TMEM132E: variants seen among roughly 807,000 people sequenced by gnomAD.
The protein encoded by TMEM132E is transmembrane protein 132E.
Under a neutral mutation model 78.5 loss-of-function variants are expected in TMEM132E, and 49 were observed. That is an observed-to-expected ratio of 0.62 (90% CI 0.50 to 0.79). TMEM132E has a LOEUF of 0.79. Ranked by LOEUF, TMEM132E falls within the 30% of genes least tolerant of loss-of-function variation. The probability of loss-of-function intolerance (pLI) is 0.00; values close to 1 mark genes in which losing one functional copy is unlikely to be tolerated. For missense variants in TMEM132E, 1,403 were observed against 1,470.9 expected (o/e 0.95, Z 0.75); for synonymous variants, 715 against 670.6 (o/e 1.07, Z -1.02).
At chr17:34,628,873 C>T in intron 3 of TMEM132E, 139 bp from the exon 4 acceptor site, 2 of 1,375,886 alleles carry the variant, frequency 1.5e-6, no homozygotes, top group East Asian at 4.9e-5. Flanking sequence ...TGGAGCACCT[C>T]AGATGGGCTG....
rs554937743 is a variant in TMEM132E at position 34,587,598 on chromosome 17, C to A, written c.67+6455C>A. ...CTGGTCTCTCCTTCCCTACCTCAGC[C>A]CCCAGGGTTTTGGGGGAGCCTGGCT... On this transcript the variant is annotated intron_variant, in intron 1 of 8. Coordinates refer to ENST00000631683, the MANE Select transcript of TMEM132E (RefSeq NM_001304438.2). 3.3e-5 allele frequency among the ~76,000 whole-genome samples: 5 copies of A among 152,200 alleles called. No individual in the cohort carries two copies. In the South Asian group the frequency reaches 1.0e-3, roughly 32 times the overall value.
Position 34,630,062 on chromosome 17 carries a change from G to C in TMEM132E, c.1393G>C (p.Val465Leu). The change falls in exon 5 of 9, where the codon GTC becomes CTC. Residue 465 changes from valine to leucine, a missense_variant. Physicochemically the swap from Val to Leu is conservative, Grantham distance 32. Transcript: ENST00000631683. ...GACTGGCCGGACAGTGGCCATCCCT[G>C]TCAAGGTCATTGCCATCGAGGTGAA... ...ILTGRTVAIPVKVIAIEVNGL... is the reference protein window; with the variant it reads ...ILTGRTVAIPLKVIAIEVNGL... The C allele has an allele frequency of 6.2e-7, 1 of 1,613,660 alleles. No individual in the cohort carries two copies. The highest frequency in any genetic ancestry group is 8.5e-7 in the Non-Finnish European group (1 of 1,179,638).
intron 1 of TMEM132E, among the ~76,000 whole-genome samples, chr17:34,589,820 A>G (rs562616031): frequency 1.2e-4 from 18 of 152,156 alleles, no homozygotes; most frequent in Non-Finnish European, 1.3e-4. Context: ...GGATGACCAC[A>G]TTGTCCCCTG....
At chr17:34,591,358 G>A (rs549584085) in intron 1 of TMEM132E, among the ~76,000 whole-genome samples, 76 of 150,982 alleles carry the variant, frequency 5.0e-4, no homozygotes, top group African/African-American at 1.8e-3. Flanking sequence ...AGGCTGGAGT[G>A]TAGTAGTATG....
intron 1 of TMEM132E, among the ~76,000 whole-genome samples, chr17:34,599,904 GACCTGC>G (rs1403228529): frequency 3.9e-5 from 6 of 152,048 alleles, no homozygotes; most frequent in African/African-American, 1.4e-4. Context: ...GGGTCCCAGG[GACCTGC>G]ATTTTATAAG....
chr17:34,592,298 T>G (rs1376538528), intron 1 of TMEM132E, among the ~76,000 whole-genome samples: 1 of 152,090 alleles, frequency 6.6e-6, no homozygotes, highest in Admixed American at 6.5e-5. Flanking sequence ...GGAGGAGGCA[T>G]TCCTGCGTCC....
chr17:34,620,895 C>A (rs2142074739), intron 1 of TMEM132E, among the ~76,000 whole-genome samples: 1 of 152,316 alleles, frequency 6.6e-6, no homozygotes, highest in South Asian at 2.1e-4. Flanking sequence ...GGTCAGATAC[C>A]CTCCTGCAGA....
intron 1 of TMEM132E, among the ~76,000 whole-genome samples, chr17:34,593,689 C>T (rs187683599): frequency 9.2e-5 from 14 of 152,338 alleles, no homozygotes; most frequent in East Asian, 1.9e-4. Context: ...CTTCTAGGGC[C>T]GGGGTAGGCA....
Position 34,638,533 on chromosome 17 carries a change from C to T in TMEM132E, c.*301C>T, listed in dbSNP as rs1158503396. 2 of 322,874 alleles carry T rather than the reference C, an allele frequency of 6.2e-6. No homozygotes were observed. The highest frequency in any genetic ancestry group is 5.6e-6 in the Non-Finnish European group (1 of 177,370). 20.0% of individuals were successfully genotyped at this position (322,874 alleles called of 1,614,324 possible). A position where few individuals can be genotyped will look rare whatever the true frequency, so the allele number is the denominator to read the frequency against. On this transcript the variant is annotated 3_prime_UTR_variant, in exon 9 of 9. Coordinates refer to ENST00000631683, the MANE Select transcript of TMEM132E (RefSeq NM_001304438.2). Reference sequence around the variant, plus strand: ...AAACCTCCTCCCATCTTAAGCAACCCCCTGCCCCAAGAGTGAGGCAAGGAG... The same window carrying T: ...AAACCTCCTCCCATCTTAAGCAACCTCCTGCCCCAAGAGTGAGGCAAGGAG...
chr17:34,618,308 G>A lies in TMEM132E; in HGVS notation c.68-7819G>A, dbSNP rs144059071. On this transcript the variant is annotated intron_variant, in intron 1 of 8. Transcript: ENST00000631683. ...GCTGGAATGCAGTGATGTGATCATA[G>A]CTCACTGCAGCCTTGAACTTCTGGG... 6.5e-3 allele frequency among the ~76,000 whole-genome samples: 982 copies of A among 152,210 alleles called. 11 individuals are homozygous for A. The highest frequency in any genetic ancestry group is 0.022 in the African/African-American group (914 of 41,538).
chr17:34,634,745 G>A (rs995240284), intron 6 of TMEM132E, 54 bp from the exon 7 acceptor site: 4 of 1,548,808 alleles, frequency 2.6e-6, no homozygotes, highest in Non-Finnish European at 3.5e-6. Context: ...GGTGTGTACT[G>A]TGCAGGTCAG....
chr17:34,583,271 G>T (rs1276392932), intron 1 of TMEM132E, among the ~76,000 whole-genome samples: 1 of 152,238 alleles, frequency 6.6e-6, no homozygotes, highest in Non-Finnish European at 1.5e-5. Flanking sequence ...GCCCTACTGA[G>T]CGGACATTTC....
Position 34,579,836 on chromosome 17 carries a change from G to T in TMEM132E, c.-1241G>T, listed in dbSNP as rs1390128325. ...CGGCTGCCCTGGCCCCTGGCGCCGC[G>T]CCCGCGTCTCACCGCCCGCAGCCCG... On this transcript the variant is annotated 5_prime_UTR_variant, in exon 1 of 9. Transcript: ENST00000631683. 6.6e-6 allele frequency: 1 copy of T among 152,214 alleles called. No individual in the cohort carries two copies. Among genetic ancestry groups the T allele is most frequent in the Non-Finnish European group, 1.5e-5 (1 of 68,082 alleles). The allele number at this position is 152,214 out of a possible 1,614,324, so 9.4% of individuals were successfully genotyped here. A position where few individuals can be genotyped will look rare whatever the true frequency, so the allele number is the denominator to read the frequency against.
At chr17:34,620,475 G>A (rs1371023662) in intron 1 of TMEM132E, among the ~76,000 whole-genome samples, 1 of 152,254 alleles carries the variant, frequency 6.6e-6, no homozygotes, top group African/African-American at 2.4e-5. Context: ...AGCTGGTCCA[G>A]CCCCAGTGTA....
At chr17:34,597,895 G>A (rs1425782731) in intron 1 of TMEM132E, among the ~76,000 whole-genome samples, 6 of 152,172 alleles carry the variant, frequency 3.9e-5, no homozygotes, top group Non-Finnish European at 7.3e-5. Flanking sequence ...TAGCAGCTCA[G>A]CCCCTAAAGT....
Position 34,637,173 on chromosome 17 carries a change from C to T in TMEM132E, c.2170-4C>T, listed in dbSNP as rs763067279. ...CCTATCCCCTCCTTCTCCTTCTCCT[C>T]CAGGAAGCCCTACTGAGCCTCTGGC... On this transcript the variant is annotated splice_region_variant and splice_polypyrimidine_tract_variant and intron_variant, in intron 8 of 8. Transcript: ENST00000631683. 8 of 1,593,270 alleles carry T rather than the reference C, an allele frequency of 5.0e-6. No homozygotes were observed. The South Asian group carries it at 6.7e-5, about 13-fold the overall frequency.
At chr17:34,614,247 A>G (rs190214971) in intron 1 of TMEM132E, among the ~76,000 whole-genome samples, 1 of 152,240 alleles carries the variant, frequency 6.6e-6, no homozygotes, top group African/African-American at 2.4e-5. Flanking sequence ...GCCGCTGGCC[A>G]ACTCCAGACC....
intron 1 of TMEM132E, among the ~76,000 whole-genome samples, chr17:34,588,156 G>A (rs983928356): frequency 2.0e-5 from 3 of 152,128 alleles, no homozygotes; most frequent in African/African-American, 7.2e-5. Context: ...CTTTGTGCAT[G>A]CTGTTCCCTC....
chr17:34,609,369 G>A (rs1906517169), intron 1 of TMEM132E, among the ~76,000 whole-genome samples: 1 of 152,216 alleles, frequency 6.6e-6, no homozygotes, highest in African/African-American at 2.4e-5. Context: ...ACTGTGAGCA[G>A]ATGAGGTCAT....
Sources: allele counts gnomAD v4.1 joint callset (sites outside exome capture counted in the v4.1 genomes callset), GRCh38; gene constraint gnomAD v4.1.1; transcripts MANE v1.5; gene names NCBI Gene and HGNC (gene_info 2026-07-23, HGNC 2026-07-21).